Variants in KANK1 observed in about 807,000 individuals in gnomAD.
The protein encoded by KANK1 is KN motif and ankyrin repeat domains 1.
Under a neutral mutation model 106.2 loss-of-function variants are expected in KANK1, and 109 were observed. The observed-to-expected ratio is 1.03, with a 90% confidence interval of 0.88 to 1.20. The LOEUF is 1.20. Ranked by LOEUF, KANK1 falls within the 50% of genes most tolerant of loss-of-function variation. KANK1 has a pLI of 0.00. For synonymous variants in KANK1, 873 were observed against 652.2 expected, an observed-to-expected ratio of 1.34 and a Z score of -5.16; for missense variants, 2,399 against 1,710.7, an observed-to-expected ratio of 1.40 and a Z score of -7.10.
intron 3 of KANK1, chr9:488,812 G>A (rs1230606545): frequency 2.0e-5 from 3 of 152,112 alleles, no homozygotes; most frequent in Non-Finnish European, 4.4e-5. Context: ...TAGCTTTTGG[G>A]TCTGTATTTT....
intron 1 of KANK1, among the ~76,000 whole-genome samples, chr9:589,919 C>T (rs949220263): frequency 6.6e-6 from 1 of 152,148 alleles, no homozygotes; most frequent in Non-Finnish European, 1.5e-5. Context: ...TCCAAGTCGA[C>T]AGATTCTGTG....
intron 1 of KANK1, among the ~76,000 whole-genome samples, chr9:631,139 T>G (rs1244197419): frequency 6.6e-6 from 1 of 152,152 alleles, no homozygotes; most frequent in Non-Finnish European, 1.5e-5. Flanking sequence ...CGTTTTGCAT[T>G]GTACCACAAA....
At chr9:734,595 G>A in intron 6 of KANK1, 153 bp from the exon 7 acceptor site, 1 of 534,864 alleles carries the variant, frequency 1.9e-6, no homozygotes, top group South Asian at 2.1e-5. Context: ...GAATCCAGGA[G>A]GCGGAGGTTG....
intron 1 of KANK1, among the ~76,000 whole-genome samples, chr9:598,111 G>A (rs1826678965): frequency 6.6e-6 from 1 of 151,834 alleles, no homozygotes; most frequent in South Asian, 2.1e-4. Context: ...AGCACCACTT[G>A]CTGAAGAGAC....
At chr9:513,772 T>G (rs1446472365) in intron 1 of KANK1, among the ~76,000 whole-genome samples, 1 of 152,140 alleles carries the variant, frequency 6.6e-6, no homozygotes, top group African/African-American at 2.4e-5. Context: ...AGTAGATACT[T>G]TGGGAGGCCG....
chr9:482,361 G>A (rs2132174991), intron 3 of KANK1, among the ~76,000 whole-genome samples: 1 of 152,306 alleles, frequency 6.6e-6, no homozygotes, highest in South Asian at 2.1e-4. Context: ...ATTATGTGGT[G>A]TACACCTTTG....
At chr9:606,691 C>T (rs1336543423) in intron 1 of KANK1, among the ~76,000 whole-genome samples, 2 of 151,040 alleles carry the variant, frequency 1.3e-5, no homozygotes, top group Admixed American at 1.3e-4. Context: ...TCAGTGCTTT[C>T]TTATGACAGT....
intron 3 of KANK1, among the ~76,000 whole-genome samples, chr9:491,863 T>C (rs1262979293): frequency 6.6e-6 from 1 of 152,184 alleles, no homozygotes; most frequent in Non-Finnish European, 1.5e-5. Context: ...TCACAAGATC[T>C]GATGGTTTTC....
chr9:688,839 C>G (rs1439642884), intron 2 of KANK1, among the ~76,000 whole-genome samples: 1 of 152,160 alleles, frequency 6.6e-6, no homozygotes, highest in Admixed American at 6.5e-5. Flanking sequence ...GGCTTATTCT[C>G]TGGTGCAGCT....
intron 1 of KANK1, among the ~76,000 whole-genome samples, chr9:589,132 C>G (rs992180033): frequency 6.6e-6 from 1 of 152,286 alleles, no homozygotes; most frequent in South Asian, 2.1e-4. Context: ...TGTTAAAGTG[C>G]TTTATATTAA....
At chr9:656,614 G>T (rs1476561919) in intron 1 of KANK1, among the ~76,000 whole-genome samples, 3 of 152,094 alleles carry the variant, frequency 2.0e-5, no homozygotes, top group Admixed American at 6.5e-5. Flanking sequence ...CATGGCAGAT[G>T]CCCCTACTCC....
At chr9:647,562 T>A (rs1453404739) in intron 1 of KANK1, among the ~76,000 whole-genome samples, 1 of 150,478 alleles carries the variant, frequency 6.6e-6, no homozygotes, top group African/African-American at 2.5e-5. Context: ...TCCCCACTCT[T>A]TTTTAAGTTT....
intron 1 of KANK1, among the ~76,000 whole-genome samples, chr9:674,870 A>G (rs560613603): frequency 1.3e-5 from 2 of 152,084 alleles, no homozygotes; most frequent in East Asian, 3.9e-4. Flanking sequence ...GCCTTGGCTA[A>G]TTTTTGTATT....
At chr9:733,587 C>T (rs544846426) in intron 6 of KANK1, 2 of 152,236 alleles carry the variant, frequency 1.3e-5, no homozygotes, top group South Asian at 2.1e-4. Context: ...GAGTTTGAGA[C>T]TAGCCTGGAC....
chr9:524,629 T>G (rs2059700010), intron 1 of KANK1, among the ~76,000 whole-genome samples: 1 of 151,598 alleles, frequency 6.6e-6, no homozygotes, highest in Admixed American at 6.6e-5. Flanking sequence ...GCGATTCTTT[T>G]GCCTCAGCCT....
intron 1 of KANK1, among the ~76,000 whole-genome samples, chr9:523,786 C>A (rs1399460046): frequency 6.6e-6 from 1 of 150,510 alleles, no homozygotes; most frequent in African/African-American, 2.5e-5. Context: ...TCTCCTGGCA[C>A]TCCAGGTCTC....
chr9:732,700 G>T (rs1048077781), intron 6 of KANK1, 83 bp downstream of exon 6: 8 of 1,471,302 alleles, frequency 5.4e-6, no homozygotes, highest in Non-Finnish European at 7.4e-6. Context: ...CAGAGCTTTT[G>T]TAATTAAATG....
chr9:529,691 C>T (rs1778228461), intron 1 of KANK1, among the ~76,000 whole-genome samples: 1 of 152,058 alleles, frequency 6.6e-6, no homozygotes, highest in African/African-American at 2.4e-5. Flanking sequence ...TTTTAAACTC[C>T]ATATTTTGTT....
At chr9:717,762 C>G (rs866303081) in intron 3 of KANK1, among the ~76,000 whole-genome samples, 9 of 151,842 alleles carry the variant, frequency 5.9e-5, no homozygotes, top group Admixed American at 4.6e-4. Context: ...TTTTTAATTA[C>G]TATTTTCTTC....
Sources: allele counts gnomAD v4.1 joint callset (sites outside exome capture counted in the v4.1 genomes callset), GRCh38; gene constraint gnomAD v4.1.1; transcripts MANE v1.5; gene names NCBI Gene and HGNC (gene_info 2026-07-23, HGNC 2026-07-21).